The following TOX variants were observed in gnomAD, a reference collection of about 807,000 sequenced individuals.
TOX encodes the protein thymocyte selection associated high mobility group box, also known as thymocyte selection-associated high mobility group box protein TOX.
TOX carries 11 observed loss-of-function variants against 53.7 expected under a neutral mutation model. The ratio of observed to expected loss-of-function variants is 0.20; its 90% CI spans 0.13 to 0.34. The LOEUF is 0.34. TOX is among the 10% of genes least tolerant of loss of function. The probability of loss-of-function intolerance (pLI) is 1.00; values close to 1 mark genes in which losing one functional copy is unlikely to be tolerated. For missense variants in TOX, 570 were observed against 664.6 expected (o/e 0.86, Z 1.56); for synonymous variants, 225 against 245.3 (o/e 0.92, Z 0.77).
chr8:58,930,669 C>T (rs1463948903), intron 3 of TOX, among the ~76,000 whole-genome samples: 1 of 152,132 alleles, frequency 6.6e-6, no homozygotes, highest in Non-Finnish European at 1.5e-5. Context: ...CCACAAGAAG[C>T]CCCAACCATA....
intron 1 of TOX, among the ~76,000 whole-genome samples, chr8:58,998,536 T>TATATA (rs1554537360): frequency 2.6e-5 from 1 of 37,756 alleles, no homozygotes; most frequent in Non-Finnish European, 4.3e-5. Flanking sequence ...TATATATATA[T>TATATA]ATAAATTTAT....
chr8:59,037,446 G>A (rs959937469), intron 1 of TOX, among the ~76,000 whole-genome samples: 10 of 151,926 alleles, frequency 6.6e-5, no homozygotes, highest in African/African-American at 2.2e-4. Flanking sequence ...TATAGTACTC[G>A]CAATTCTGTA....
At chr8:59,001,200 G>C (rs973133801) in intron 1 of TOX, among the ~76,000 whole-genome samples, 1 of 152,088 alleles carries the variant, frequency 6.6e-6, no homozygotes, top group African/African-American at 2.4e-5. Context: ...AGGTTAGCTG[G>C]GTTTAGATGG....
Position 59,118,626 on chromosome 8 carries a change from G to A in TOX, c.102+260C>T, listed in dbSNP as rs1805151723. ...AACGCCCCCCGGCAAACCTAGGCAG[G>A]GATCCTTAGCCGCGAACAGCAGGAA... On this transcript the variant is annotated intron_variant, in intron 1 of 8. Transcript: ENST00000361421. This position sits in a 1 kb window ranked among gnomAD's most constrained non-coding sequence, Gnocchi z 4.1. Among the ~76,000 whole-genome samples, 1 of 152,156 alleles carries A rather than the reference G, an allele frequency of 6.6e-6. No individual in the cohort carries two copies. The highest frequency in any genetic ancestry group is 1.5e-5 in the Non-Finnish European group (1 of 68,034).
intron 3 of TOX, among the ~76,000 whole-genome samples, chr8:58,933,335 T>G (rs976097770): frequency 2.2e-4 from 33 of 152,228 alleles, no homozygotes; most frequent in Admixed American, 1.3e-4. Context: ...AGAGAGGCTC[T>G]TGATTTCAGT....
chr8:58,932,282 GA>G (rs35387167), intron 3 of TOX, among the ~76,000 whole-genome samples: 70,944 of 148,322 alleles, frequency 0.48, 16,769 homozygotes, highest in Admixed American at 0.56. Context: ...GATAATTTGT[GA>G]AAAAAAAAAA....
intron 1 of TOX, among the ~76,000 whole-genome samples, chr8:59,038,779 T>C (rs536545100): frequency 7.5e-4 from 115 of 152,366 alleles, no homozygotes; most frequent in African/African-American, 2.7e-3. Context: ...TTGGGCACTT[T>C]TGACTTTTTA....
chr8:58,943,656 G>A (rs1255234271), intron 2 of TOX, among the ~76,000 whole-genome samples: 1 of 150,714 alleles, frequency 6.6e-6, no homozygotes, highest in African/African-American at 2.4e-5. Flanking sequence ...CCACCAAGGA[G>A]TGAATCACAT....
intron 7 of TOX, among the ~76,000 whole-genome samples, chr8:58,812,481 C>T (rs1237735047): frequency 2.0e-5 from 3 of 152,158 alleles, no homozygotes; most frequent in African/African-American, 7.2e-5. Flanking sequence ...GTCCTCCACA[C>T]CCTTCCCACT....
chr8:58,929,500 AAAAAAAATCT>A lies in TOX; in HGVS notation c.411+9792_411+9801del, dbSNP rs1812223951. ...TCAAACTAGAAAAAAACTAAAATGA[AAAAAAAATCT>A]AAAACCAAAACCTGCTCTTAAAGCA... On this transcript the variant is annotated intron_variant, in intron 3 of 8. Coordinates refer to ENST00000361421, the MANE Select transcript of TOX (RefSeq NM_014729.3). 2.0e-5 allele frequency among the ~76,000 whole-genome samples: 3 copies of A among 152,008 alleles called. No individual in the cohort carries two copies. The South Asian group carries it at 6.2e-4, about 32-fold the overall frequency.
At chr8:58,964,498 AG>A (rs1812857802) in intron 1 of TOX, among the ~76,000 whole-genome samples, 1 of 152,136 alleles carries the variant, frequency 6.6e-6, no homozygotes, top group Admixed American at 6.5e-5. Context: ...AGCTGGTTCC[AG>A]GGTTCTCAGC....
At chr8:59,051,005 T>G (rs760575479) in intron 1 of TOX, among the ~76,000 whole-genome samples, 3 of 152,118 alleles carry the variant, frequency 2.0e-5, no homozygotes, top group Non-Finnish European at 4.4e-5. Context: ...CTGAGACAAA[T>G]GTACATATTC....
chr8:58,860,509 G>T (rs143917828), intron 3 of TOX, among the ~76,000 whole-genome samples: 1 of 152,150 alleles, frequency 6.6e-6, no homozygotes, highest in Non-Finnish European at 1.5e-5. Context: ...TAAGGACTAC[G>T]AATGCATTTT....
intron 3 of TOX, among the ~76,000 whole-genome samples, chr8:58,911,351 T>G (rs1196424316): frequency 1.3e-5 from 2 of 152,212 alleles, no homozygotes; most frequent in Non-Finnish European, 2.9e-5. Flanking sequence ...AATGAAAATA[T>G]CTACATATAA....
chr8:59,026,212 G>C (rs1019149209), intron 1 of TOX, among the ~76,000 whole-genome samples: 1 of 151,906 alleles, frequency 6.6e-6, no homozygotes, highest in Non-Finnish European at 1.5e-5. Flanking sequence ...TGTACACTTT[G>C]GATCTGTCCT....
intron 1 of TOX, among the ~76,000 whole-genome samples, chr8:58,963,292 AAGATAGATAGATAGATATATATAT>A (rs1260989033): frequency 1.2e-4 from 15 of 123,508 alleles, no homozygotes; most frequent in Non-Finnish European, 8.8e-5. Context: ...TGATAGATAG[AAGATAGATAGATAGATATATATAT>A]AGATAGATAG....
At chr8:58,976,091 T>C (rs1288323301) in intron 1 of TOX, among the ~76,000 whole-genome samples, 1 of 151,862 alleles carries the variant, frequency 6.6e-6, no homozygotes, top group Non-Finnish European at 1.5e-5. Flanking sequence ...AAAAATGAAG[T>C]TTGCCACATC....
chr8:58,842,786 T>G (rs918460449), intron 4 of TOX, among the ~76,000 whole-genome samples: 4 of 152,220 alleles, frequency 2.6e-5, no homozygotes, highest in Non-Finnish European at 4.4e-5. Flanking sequence ...AGTTATCATT[T>G]TGAGGCAATG....
Position 58,815,552 on chromosome 8 carries a change from G to C in TOX, c.1178C>G (p.Pro393Arg), listed in dbSNP as rs199882153. Reference protein sequence around the residue: ...PHLTAMHPSLPRNIAPKPNNQ... With the variant: ...PHLTAMHPSLRRNIAPKPNNQ... The stretch of plus-strand genomic sequence containing the variant: ...ATTCGGCTTGGGGGCTATGTTCCTG[G>C]GGAGACTAGGATGCATGGCAGTTAG... The change falls in exon 7 of 9, where the codon CCC becomes CGC. Residue 393 changes from proline to arginine, a missense_variant. By Grantham distance (103) the Pro-to-Arg change is moderately radical. Coordinates refer to ENST00000361421, the MANE Select transcript of TOX (RefSeq NM_014729.3). 2.2e-5 allele frequency: 36 copies of C among 1,614,116 alleles called. No homozygotes were observed. Among genetic ancestry groups the C allele is most frequent in the Non-Finnish European group, 3.0e-5 (35 of 1,180,002 alleles).
Sources: gnomAD v4.1 joint callset for allele counts (sites outside exome capture counted in the v4.1 genomes callset) on GRCh38, gnomAD v4.1.1 for gene constraint, Gnocchi (gnomAD v3.1) non-coding constraint, MANE v1.5 for transcripts, NCBI Gene and HGNC (gene_info 2026-07-23, HGNC 2026-07-21) for gene names.